Variants in GPSM2 observed in about 807,000 individuals in gnomAD.
The protein encoded by GPSM2 is G protein signaling modulator 2.
GPSM2 carries 58 observed loss-of-function variants against 78.4 expected under a neutral mutation model. That is an observed-to-expected ratio of 0.74 (90% CI 0.60 to 0.92). The LOEUF (loss-of-function observed/expected upper bound fraction) is 0.92, where lower values mean the gene tolerates loss of function less well. GPSM2 is among the 40% of genes least tolerant of loss of function. GPSM2 has a pLI of 0.00. For synonymous variants in GPSM2, 224 were observed against 280.2 expected (o/e 0.80, Z 2.00); for missense variants, 700 against 815.5 (o/e 0.86, Z 1.73).
At chr1:108,898,853 C>A in intron 6 of GPSM2, 26 bp from the exon 7 acceptor site, 1 of 1,590,958 alleles carries the variant, frequency 6.3e-7, no homozygotes, top group Non-Finnish European at 8.6e-7. Flanking sequence ...ATTTTATCTA[C>A]ATCTAATTAA....
intron 8 of GPSM2, 85 bp downstream of exon 8, chr1:108,902,030 C>T (rs1648867040): frequency 1.1e-6 from 1 of 946,162 alleles, no homozygotes; most frequent in Non-Finnish European, 1.7e-6. Context: ...GTTTCTTTTC[C>T]TTTGTTTTCC....
intron 1 of GPSM2, among the ~76,000 whole-genome samples, chr1:108,879,636 C>T (rs939025677): frequency 2.0e-4 from 30 of 152,304 alleles, no homozygotes; most frequent in African/African-American, 7.0e-4. Flanking sequence ...AGTTCAACAC[C>T]AGCCTGACCA....
intron 12 of GPSM2, among the ~76,000 whole-genome samples, chr1:108,922,204 T>G (rs1650766261): frequency 2.6e-5 from 4 of 152,208 alleles, no homozygotes; most frequent in Admixed American, 2.0e-4. Context: ...TTCTTTAGCC[T>G]TAGAAATACA....
intron 7 of GPSM2, among the ~76,000 whole-genome samples, chr1:108,900,561 CA>C (rs957358710): frequency 6.6e-6 from 1 of 152,110 alleles, no homozygotes. Context: ...CAGGGCCAAA[CA>C]AGAAGGCTAA....
chr1:108,925,739 G>T (rs751515707), intron 14 of GPSM2, among the ~76,000 whole-genome samples: 1 of 152,074 alleles, frequency 6.6e-6, no homozygotes, highest in Non-Finnish European at 1.5e-5. Flanking sequence ...AAAATGGGAA[G>T]TGTGAAAGGG....
intron 2 of GPSM2, among the ~76,000 whole-genome samples, chr1:108,889,755 A>T (rs1647838096): frequency 6.6e-6 from 1 of 152,080 alleles, no homozygotes; most frequent in South Asian, 2.1e-4. Flanking sequence ...TTGACTTGTC[A>T]CTAGTGGGCT....
chr1:108,877,329 A>G (rs1665680355), intron 1 of GPSM2, 101 bp downstream of exon 1: 1 of 151,752 alleles, frequency 6.6e-6, no homozygotes. Context: ...TTCTGTGTCC[A>G]GAGGTCTGGG....
intron 10 of GPSM2, among the ~76,000 whole-genome samples, chr1:108,908,357 C>G (rs145290448): frequency 0.036 from 5,205 of 146,136 alleles, 99 homozygotes; most frequent in Middle Eastern, 0.085. Flanking sequence ...GGCAACAGAG[C>G]GAGACTCTGT....
chr1:108,919,543 G>A (rs2101531924), intron 12 of GPSM2, among the ~76,000 whole-genome samples: 1 of 152,188 alleles, frequency 6.6e-6, no homozygotes, highest in Middle Eastern at 3.4e-3. Flanking sequence ...TGAAAAATGA[G>A]CCTGGGCAAC....
intron 1 of GPSM2, among the ~76,000 whole-genome samples, chr1:108,880,567 G>T (rs1287100639): frequency 6.8e-6 from 1 of 148,062 alleles, no homozygotes; most frequent in Non-Finnish European, 1.5e-5. Flanking sequence ...GCGACAGAGT[G>T]AGACTCCGTC....
chr1:108,885,473 T>A lies in GPSM2; in HGVS notation c.-50T>A. ...CAATTCTACATTGTAAAGGACTGGA[T>A]TGGCACAAAATAAAATAATTTTATT... On this transcript the variant is annotated 5_prime_UTR_variant, in exon 2 of 15. It adds an upstream start codon to the 5' untranslated region. Coordinates refer to ENST00000264126, the MANE Select transcript of GPSM2 (RefSeq NM_013296.5). 9.6e-7 allele frequency: 1 copy of A among 1,037,398 alleles called. No homozygotes were observed. Among genetic ancestry groups the A allele is most frequent in the Middle Eastern group, 2.1e-4 (1 of 4,878 alleles). The allele number at this position is 1,037,398 out of a possible 1,614,324, so 64.3% of individuals were successfully genotyped here. A position where few individuals can be genotyped will look rare whatever the true frequency, so the allele number is the denominator to read the frequency against.
At position 108,924,049 on chromosome 1, in the gene GPSM2, T is replaced by C; in HGVS notation, c.1650T>C (p.Leu550=). The C allele has an allele frequency of 6.2e-7, 1 of 1,613,786 alleles. No individual in the cohort carries two copies. The highest frequency in any genetic ancestry group is 8.5e-7 in the Non-Finnish European group (1 of 1,179,658). ...VSPNTDEFLD[L]LASSQSRRLD... ...CCAACACGGATGAGTTTTTAGATCT[T>C]CTTGCCAGCTCACAGAGTCGCCGTC... Residue 550 remains leucine, a synonymous_variant, in exon 14 of 15, where the codon CTT becomes CTC. Transcript: ENST00000264126.
At chr1:108,911,391 G>A (rs1025830639) in intron 10 of GPSM2, among the ~76,000 whole-genome samples, 10 of 152,026 alleles carry the variant, frequency 6.6e-5, no homozygotes, top group African/African-American at 2.2e-4. Context: ...AGCTGGGGGT[G>A]GTGCAGGGCC....
intron 1 of GPSM2, among the ~76,000 whole-genome samples, chr1:108,881,220 T>A (rs1354854893): frequency 6.6e-6 from 1 of 152,232 alleles, no homozygotes. Context: ...TCTAGCAATT[T>A]TGTTAATTTT....
chr1:108,914,830 T>A (rs994540373), intron 11 of GPSM2, among the ~76,000 whole-genome samples: 2 of 152,184 alleles, frequency 1.3e-5, no homozygotes, highest in Non-Finnish European at 2.9e-5. Flanking sequence ...CCCAACTACA[T>A]AGCAACATTA....
At position 108,924,035 on chromosome 1, in the gene GPSM2, G is replaced by A; in HGVS notation, c.1636G>A (p.Glu546Lys). Residue 546 changes from glutamate (E) to lysine (K), a missense_variant, in exon 14 of 15, where the codon GAG (glutamate) becomes AAG (lysine). Glu to Lys is a moderately conservative substitution (Grantham distance 56). Transcript: ENST00000264126. The part of the protein sequence containing the change: ...SVPVVSPNTD[E>K]FLDLLASSQS... ...TCCTGTGGTATCCCCCAACACGGAT[G>A]AGTTTTTAGATCTTCTTGCCAGCTC... 2 of 1,612,816 alleles carry A rather than the reference G, an allele frequency of 1.2e-6. No homozygotes were observed. The highest frequency in any genetic ancestry group is 1.7e-6 in the Non-Finnish European group (2 of 1,178,826).
chr1:108,885,593 G>A lies in GPSM2; in HGVS notation c.56+15G>A. The A allele has an allele frequency of 6.8e-7, 1 of 1,475,050 alleles. No individual in the cohort carries two copies. The highest frequency in any genetic ancestry group is 9.5e-7 in the Non-Finnish European group (1 of 1,053,434). 91.4% of individuals were successfully genotyped at this position (1,475,050 alleles called of 1,614,324 possible). A position where few individuals can be genotyped will look rare whatever the true frequency, so the allele number is the denominator to read the frequency against. On this transcript the variant is annotated intron_variant, in intron 2 of 14. Transcript: ENST00000264126. ...GTTCGTTACAGGTAAGACTATTGCT[G>A]TCTTAATGGATGACTTTTAATCCTT... is the stretch of plus-strand genomic sequence containing the variant.
intron 11 of GPSM2, among the ~76,000 whole-genome samples, chr1:108,918,331 T>C (rs2101526935): frequency 6.6e-6 from 1 of 152,320 alleles, no homozygotes; most frequent in South Asian, 2.1e-4. Context: ...CCATTCATAT[T>C]TTATTTTTAC....
intron 10 of GPSM2, among the ~76,000 whole-genome samples, chr1:108,905,239 A>G (rs1649126006): frequency 6.6e-6 from 1 of 152,224 alleles, no homozygotes; most frequent in South Asian, 2.1e-4. Flanking sequence ...AAGAGCTCTC[A>G]TCTTTAAAAA....
Sources: gnomAD v4.1 joint callset for allele counts (sites outside exome capture counted in the v4.1 genomes callset) on GRCh38, gnomAD v4.1.1 for gene constraint, MANE v1.5 for transcripts, NCBI Gene and HGNC (gene_info 2026-07-23, HGNC 2026-07-21) for gene names.